The following RXFP3 variants were observed in gnomAD, a reference collection of about 807,000 sequenced individuals.
RXFP3 encodes the protein relaxin-3 receptor 1.
RXFP3 carries 31 observed loss-of-function variants against 27.3 expected under a neutral mutation model. That is an observed-to-expected ratio of 1.13 (90% confidence interval 0.85 to 1.53). The LOEUF (loss-of-function observed/expected upper bound fraction) is 1.53, where lower values mean the gene tolerates loss of function less well. Ranked by LOEUF, RXFP3 falls within the 40% of genes most tolerant of loss-of-function variation. The pLI, the probability that RXFP3 is intolerant of heterozygous loss-of-function variation, is 0.00. For missense variants in RXFP3, 684 were observed against 642.1 expected (o/e 1.07, Z -0.70); for synonymous variants, 351 against 293.6 (o/e 1.20, Z -2.00).
Position 33,937,033 on chromosome 5 carries a change from G to T in RXFP3, c.293G>T (p.Gly98Val), listed in dbSNP as rs759240562. The T allele has an allele frequency of 1.9e-6, 3 of 1,614,158 alleles. No homozygotes were observed. Among genetic ancestry groups the T allele is most frequent in the South Asian group, 1.1e-5 (1 of 91,084 alleles). Reference sequence around the variant, plus strand: ...GTGGTGTGCGCCCTGGGGTTGGCGGGCAACCTGCTGGTTCTCTACCTGATG... The same window carrying T: ...GTGGTGTGCGCCCTGGGGTTGGCGGTCAACCTGCTGGTTCTCTACCTGATG... Reference protein sequence around the residue: ...YWVVCALGLAGNLLVLYLMKS... With the variant: ...YWVVCALGLAVNLLVLYLMKS... Residue 98 changes from glycine (G) to valine (V), a missense_variant, in exon 1 of 1, where the codon GGC becomes GTC. Gly to Val is a moderately radical substitution (Grantham distance 109). Transcript: ENST00000330120.
Position 33,938,685 on chromosome 5 carries a change from A to C in RXFP3, c.*535A>C, listed in dbSNP as rs1017599062. Among the ~76,000 whole-genome samples, 12 of 152,216 alleles carry C rather than the reference A, an allele frequency of 7.9e-5. No homozygotes were observed. Among genetic ancestry groups the C allele is most frequent in the African/African-American group, 2.9e-4 (12 of 41,458 alleles). ...CAGGAATCTAGAGCTGGTAGGCAAGAAACGCTTTTGGAGTTAAGAAAAAGA... is the reference window on the plus strand; with the variant it reads ...CAGGAATCTAGAGCTGGTAGGCAAGCAACGCTTTTGGAGTTAAGAAAAAGA... On this transcript the variant is annotated 3_prime_UTR_variant, in exon 1 of 1. Coordinates refer to ENST00000330120, the MANE Select transcript of RXFP3 (RefSeq NM_016568.3).
In RXFP3 at chr5:33,936,860, C is replaced by A. The variant is rs759874702; in HGVS notation, c.120C>A (p.Asn40Lys). 6.3e-7 allele frequency: 1 copy of A among 1,597,964 alleles called. No individual in the cohort carries two copies. The highest frequency in any genetic ancestry group is 8.6e-7 in the Non-Finnish European group (1 of 1,168,616). ...TGGAGGCGGCCAACACGAGTGGTAACGCGTCGCTGCAGCTTCCGGACTTGT... is the reference window on the plus strand; with the variant it reads ...TGGAGGCGGCCAACACGAGTGGTAAAGCGTCGCTGCAGCTTCCGGACTTGT... ...DLLEAANTSG[N>K]ASLQLPDLWW... Residue 40 changes from asparagine to lysine, a missense_variant, in exon 1 of 1, where the codon AAC becomes AAA. Asn to Lys is a moderately conservative substitution (Grantham distance 94). Coordinates refer to ENST00000330120, the MANE Select transcript of RXFP3 (RefSeq NM_016568.3).
In RXFP3 at chr5:33,937,698, A is replaced by G. The variant is rs1232337008; in HGVS notation, c.958A>G (p.Arg320Gly). 1 of 1,612,870 alleles carries G rather than the reference A, an allele frequency of 6.2e-7. No homozygotes were observed. Among genetic ancestry groups the G allele is most frequent in the Non-Finnish European group, 8.5e-7 (1 of 1,179,762 alleles). Residue 320 changes from arginine to glycine, a missense_variant, in exon 1 of 1, where the codon AGA becomes GGA. By Grantham distance (125) the Arg-to-Gly change is moderately radical. Coordinates refer to ENST00000330120, the MANE Select transcript of RXFP3 (RefSeq NM_016568.3). ...GGRPTGASARRLSKVTKSVTI... is the reference protein window; with the variant it reads ...GGRPTGASARGLSKVTKSVTI... ...ACGCCCGACCGGAGCCAGCGCCCGGAGACTGTCGAAGGTCACCAAATCAGT... is the reference window on the plus strand; with the variant it reads ...ACGCCCGACCGGAGCCAGCGCCCGGGGACTGTCGAAGGTCACCAAATCAGT...
rs1468466671 is a variant in RXFP3, at chr5:33,938,047, C to T, written c.1307C>T (p.Pro436Leu). Reference sequence around the variant, plus strand: ...GATCAGGGGCTGCAGGCCCCGGCGCCGCCCCACGCGGCCGCGGAGCCGGAC... The same window carrying T: ...GATCAGGGGCTGCAGGCCCCGGCGCTGCCCCACGCGGCCGCGGAGCCGGAC... ...HEDQGLQAPA[P>L]PHAAAEPDLL... Residue 436 changes from proline to leucine, a missense_variant, in exon 1 of 1, where the codon CCG becomes CTG. Pro to Leu is a moderately conservative substitution (Grantham distance 98). Coordinates refer to ENST00000330120, the MANE Select transcript of RXFP3 (RefSeq NM_016568.3). 3.1e-6 allele frequency: 5 copies of T among 1,611,778 alleles called. No homozygotes were observed. The Admixed American group carries it at 6.7e-5, about 22-fold the overall frequency.
In RXFP3 at chr5:33,938,063, G is replaced by C. The variant is rs746629455; in HGVS notation, c.1323G>C (p.Ala441=). 3 of 1,611,510 alleles carry C rather than the reference G, an allele frequency of 1.9e-6. No individual in the cohort carries two copies. Among genetic ancestry groups the C allele is most frequent in the Non-Finnish European group, 2.5e-6 (3 of 1,179,480 alleles). ...LQAPAPPHAA[A]EPDLLYYPPG... ...CCCCGGCGCCGCCCCACGCGGCCGC[G>C]GAGCCGGACCTGCTCTACTACCCAC... Residue 441 remains alanine, a synonymous_variant, in exon 1 of 1, where the codon GCG becomes GCC. Transcript: ENST00000330120.
chr5:33,936,848 C>T lies in RXFP3; in HGVS notation c.108C>T (p.Asn36=), dbSNP rs1293466874. Residue 36 remains asparagine, a synonymous_variant, in exon 1 of 1, where the codon AAC becomes AAT. Transcript: ENST00000330120. ...TCCCGGACCTTCTGGAGGCGGCCAACACGAGTGGTAACGCGTCGCTGCAGC... is the reference window on the plus strand; with the variant it reads ...TCCCGGACCTTCTGGAGGCGGCCAATACGAGTGGTAACGCGTCGCTGCAGC... ...SLVPDLLEAA[N]TSGNASLQLP... The T allele has an allele frequency of 1.3e-6, 2 of 1,595,758 alleles. No homozygotes were observed. The highest frequency in any genetic ancestry group is 2.2e-5 in the East Asian group (1 of 44,464).
In RXFP3 at chr5:33,936,716, G is replaced by A. The variant is rs771732729; in HGVS notation, c.-25G>A. On this transcript the variant is annotated 5_prime_UTR_variant, in exon 1 of 1. Coordinates refer to ENST00000330120, the MANE Select transcript of RXFP3 (RefSeq NM_016568.3). ...GTGTTATCTTAGGTCTTGTCCCCCA[G>A]AACATGACCTAGAGGTACCTGCGCA... 2 of 1,507,850 alleles carry A rather than the reference G, an allele frequency of 1.3e-6. No individual in the cohort carries two copies. The highest frequency in any genetic ancestry group is 4.5e-5 in the Admixed American group (2 of 44,218). 93.4% of individuals were successfully genotyped at this position (1,507,850 alleles called of 1,614,324 possible).
Position 33,936,752 on chromosome 5 carries a change from C to G in RXFP3, c.12C>G (p.Ala4=). 6.6e-7 allele frequency: 1 copy of G among 1,519,978 alleles called. No individual in the cohort carries two copies. The highest frequency in any genetic ancestry group is 8.8e-7 in the Non-Finnish European group (1 of 1,132,116). 94.2% of individuals were successfully genotyped at this position (1,519,978 alleles called of 1,614,324 possible). ...AGAGGTACCTGCGCATGCAGATGGC[C>G]GATGCAGCCACGATAGCCACCATGA... MQM[A]DAATIATMNK... The change falls in exon 1 of 1, where the codon GCC becomes GCG. Residue 4 remains alanine (A), a synonymous_variant. Transcript: ENST00000330120.
rs984011075 is a variant in RXFP3, at chr5:33,937,431, C to A, written c.691C>A (p.Pro231Thr). The A allele has an allele frequency of 4.3e-6, 7 of 1,612,836 alleles. No individual in the cohort carries two copies. Among genetic ancestry groups the A allele is most frequent in the Non-Finnish European group, 5.1e-6 (6 of 1,179,590 alleles). The change falls in exon 1 of 1, where the codon CCC becomes ACC. Residue 231 changes from proline (P) to threonine (T), a missense_variant. Pro to Thr is a conservative substitution (Grantham distance 38, BLOSUM62 -1). Coordinates refer to ENST00000330120, the MANE Select transcript of RXFP3 (RefSeq NM_016568.3). ...IWALAALASL[P>T]SAIFSTTVKV... ...GGCTTTGGCCGCGCTGGCCTCGCTG[C>A]CCAGTGCCATTTTCTCCACCACGGT...
rs1239655960 is a variant in RXFP3, at chr5:33,937,929, C to G, written c.1189C>G (p.Arg397Gly). The G allele has an allele frequency of 6.2e-7, 1 of 1,613,648 alleles. No homozygotes were observed. Among genetic ancestry groups the G allele is most frequent in the East Asian group, 2.2e-5 (1 of 44,878 alleles). ...VLYCLVRREF[R>G]KALKSLLWRI... is the part of the protein sequence containing the mutation. ...CTACTGCCTCGTGCGCCGCGAGTTC[C>G]GCAAGGCGCTCAAGAGCCTGCTGTG... The change falls in exon 1 of 1, where the codon CGC becomes GGC. Residue 397 changes from arginine to glycine, a missense_variant. Arg to Gly is a moderately radical substitution (Grantham distance 125). Transcript: ENST00000330120.
chr5:33,937,327 A>G lies in RXFP3; in HGVS notation c.587A>G (p.His196Arg), dbSNP rs750530756. 6.8e-6 allele frequency: 11 copies of G among 1,612,662 alleles called. No individual in the cohort carries two copies. The Admixed American group carries it at 1.3e-4, about 20-fold the overall frequency. ...SALKSHRTRG[H>R]GRGDCCGRSL... ...CTGAAGAGCCACCGGACCCGAGGAC[A>G]CGGCCGGGGCGACTGCTGCGGCCGG... Residue 196 changes from histidine to arginine, a missense_variant, in exon 1 of 1, where the codon CAC (histidine) becomes CGC (arginine). Coordinates refer to ENST00000330120, the MANE Select transcript of RXFP3 (RefSeq NM_016568.3).
In RXFP3 at chr5:33,937,895, C is replaced by T; in HGVS notation, c.1155C>T (p.Asn385=). Residue 385 remains asparagine, a synonymous_variant, in exon 1 of 1, where the codon AAC becomes AAT. Coordinates refer to ENST00000330120, the MANE Select transcript of RXFP3 (RefSeq NM_016568.3). ...TAGCGCACTCCAACAGCTGCCTCAA[C>T]CCCGTCCTCTACTGCCTCGTGCGCC... The part of the protein sequence containing the change: ...VCLAHSNSCL[N]PVLYCLVRRE... The T allele has an allele frequency of 1.2e-6, 2 of 1,613,980 alleles. No individual in the cohort carries two copies. The highest frequency in any genetic ancestry group is 1.1e-5 in the South Asian group (1 of 91,084).
chr5:33,937,137 C>T lies in RXFP3; in HGVS notation c.397C>T (p.Leu133Phe), dbSNP rs112122397. 1.9e-4 allele frequency: 300 copies of T among 1,613,164 alleles called. No individual in the cohort carries two copies. In the African/African-American group the frequency reaches 3.6e-3, roughly 19 times the overall value. ...NLALTDFQFV[L>F]TLPFWAVENA... Reference sequence around the variant, plus strand: ...GGCGCTGACGGACTTTCAGTTTGTGCTCACCCTGCCCTTCTGGGCGGTGGA... The same window carrying T: ...GGCGCTGACGGACTTTCAGTTTGTGTTCACCCTGCCCTTCTGGGCGGTGGA... The change falls in exon 1 of 1, where the codon CTC (leucine) becomes TTC (phenylalanine). Residue 133 changes from leucine to phenylalanine, a missense_variant. Leu to Phe is a conservative substitution (Grantham distance 22). Transcript: ENST00000330120.
In RXFP3 at chr5:33,938,612, A is replaced by T. The variant is rs1232721968; in HGVS notation, c.*462A>T. Among the ~76,000 whole-genome samples, 1 of 152,244 alleles carries T rather than the reference A, an allele frequency of 6.6e-6. No individual in the cohort carries two copies. Among genetic ancestry groups the T allele is most frequent in the Non-Finnish European group, 1.5e-5 (1 of 68,038 alleles). ...CACAAACACTCCTTTGCGTCTTGGCAAACGAGACTGCAGCAGCGCCAAGGT... is the reference window on the plus strand; with the variant it reads ...CACAAACACTCCTTTGCGTCTTGGCTAACGAGACTGCAGCAGCGCCAAGGT... On this transcript the variant is annotated 3_prime_UTR_variant, in exon 1 of 1. Transcript: ENST00000330120.
chr5:33,936,908 G>A lies in RXFP3; in HGVS notation c.168G>A (p.Leu56=), dbSNP rs2111880517. The change falls in exon 1 of 1, where the codon TTG becomes TTA. Residue 56 remains leucine (L), a synonymous_variant. Coordinates refer to ENST00000330120, the MANE Select transcript of RXFP3 (RefSeq NM_016568.3). Reference sequence around the variant, plus strand: ...TGTGGTGGGAGCTGGGGCTGGAGTTGCCGGACGGCGCGCCGCCAGGACATC... The same window carrying A: ...TGTGGTGGGAGCTGGGGCTGGAGTTACCGGACGGCGCGCCGCCAGGACATC... The part of the protein sequence containing the change: ...PDLWWELGLE[L]PDGAPPGHPP... The A allele has an allele frequency of 6.2e-7, 1 of 1,601,826 alleles. No homozygotes were observed.
chr5:33,938,098 T>A lies in RXFP3; in HGVS notation c.1358T>A (p.Val453Glu). Residue 453 changes from valine (V) to glutamate (E), a missense_variant, in exon 1 of 1, where the codon GTG becomes GAG. Val to Glu is a moderately radical substitution (Grantham distance 121). Transcript: ENST00000330120. ...CTGCTCTACTACCCACCTGGCGTCGTGGTCTACAGCGGGGGGCGCTACGAC... is the reference window on the plus strand; with the variant it reads ...CTGCTCTACTACCCACCTGGCGTCGAGGTCTACAGCGGGGGGCGCTACGAC... The part of the protein sequence containing the change: ...PDLLYYPPGV[V>E]VYSGGRYDLL... 2.5e-6 allele frequency: 4 copies of A among 1,610,272 alleles called. No individual in the cohort carries two copies. Among genetic ancestry groups the A allele is most frequent in the Non-Finnish European group, 3.4e-6 (4 of 1,178,816 alleles).
rs866075810 is a variant in RXFP3 at position 33,938,742 on chromosome 5, C to A, written c.*592C>A. 1.3e-5 allele frequency among the ~76,000 whole-genome samples: 2 copies of A among 152,186 alleles called. No homozygotes were observed. The highest frequency in any genetic ancestry group is 2.9e-5 in the Non-Finnish European group (2 of 68,036). Reference sequence around the variant, plus strand: ...CATCCTGGTCCGCCCACAGGAGAAACGGCAAAGGAAAGCCACCTCCAATGG... The same window carrying A: ...CATCCTGGTCCGCCCACAGGAGAAAAGGCAAAGGAAAGCCACCTCCAATGG... On this transcript the variant is annotated 3_prime_UTR_variant, in exon 1 of 1. Transcript: ENST00000330120.
Position 33,937,714 on chromosome 5 carries a change from C to A in RXFP3, c.974C>A (p.Thr325Asn), listed in dbSNP as rs1397661853. 1.9e-6 allele frequency: 3 copies of A among 1,613,570 alleles called. No individual in the cohort carries two copies. The highest frequency in any genetic ancestry group is 1.6e-4 in the Middle Eastern group (1 of 6,084). The change falls in exon 1 of 1, where the codon ACC (threonine) becomes AAC (asparagine). Residue 325 changes from threonine to asparagine, a missense_variant. Physicochemically the swap from Thr to Asn is moderately conservative, Grantham distance 65 (BLOSUM62 0). Transcript: ENST00000330120. ...AGCGCCCGGAGACTGTCGAAGGTCA[C>A]CAAATCAGTGACCATCGTTGTCCTG... ...GASARRLSKV[T>N]KSVTIVVLSF...
chr5:33,937,430 G>A lies in RXFP3; in HGVS notation c.690G>A (p.Leu230=). 1 of 1,612,778 alleles carries A rather than the reference G, an allele frequency of 6.2e-7. No homozygotes were observed. Among genetic ancestry groups the A allele is most frequent in the Non-Finnish European group, 8.5e-7 (1 of 1,179,582 alleles). The part of the protein sequence containing the change: ...WIWALAALAS[L]PSAIFSTTVK... ...GGGCTTTGGCCGCGCTGGCCTCGCT[G>A]CCCAGTGCCATTTTCTCCACCACGG... Residue 230 remains leucine (L), a synonymous_variant, in exon 1 of 1, where the codon CTG becomes CTA. Transcript: ENST00000330120.
Sources: allele counts gnomAD v4.1 joint callset (sites outside exome capture counted in the v4.1 genomes callset), GRCh38; gene constraint gnomAD v4.1.1; transcripts MANE v1.5; gene names NCBI Gene and HGNC (gene_info 2026-07-23, HGNC 2026-07-21).